IGF2BP1: variants seen among roughly 807,000 people sequenced by gnomAD.
The protein encoded by IGF2BP1 is insulin like growth factor 2 mRNA binding protein 1, also known as insulin-like growth factor 2 mRNA-binding protein 1.
Under a neutral mutation model 74.9 loss-of-function variants are expected in IGF2BP1, and 11 were observed. The ratio of observed to expected loss-of-function variants is 0.15; its 90% CI spans 0.09 to 0.24. The LOEUF is 0.24. Among genes scored for constraint, IGF2BP1 ranks in the 10% least tolerant of loss-of-function variants. The pLI is 1.00. For missense variants in IGF2BP1, 440 were observed against 757.4 expected (o/e 0.58, Z 4.92); for synonymous variants, 287 against 281.8 (o/e 1.02, Z -0.18).
rs1567830101 is a variant in IGF2BP1 at position 49,049,474 on chromosome 17, G to A, written c.*30G>A. 6.3e-7 allele frequency: 1 copy of A among 1,587,300 alleles called. No homozygotes were observed. The highest frequency in any genetic ancestry group is 8.6e-7 in the Non-Finnish European group (1 of 1,156,698). The stretch of plus-strand genomic sequence containing the variant: ...CCCCTCCCTGTCCCTTCGAGTCCAG[G>A]ACAACAACGGGCAGAAATCGAGAGT... On this transcript the variant is annotated 3_prime_UTR_variant, in exon 15 of 15. Coordinates refer to ENST00000290341, the MANE Select transcript of IGF2BP1 (RefSeq NM_006546.4).
At chr17:49,009,064 G>C (rs1469658392) in intron 2 of IGF2BP1, among the ~76,000 whole-genome samples, 1 of 152,080 alleles carries the variant, frequency 6.6e-6, no homozygotes, top group Non-Finnish European at 1.5e-5. Flanking sequence ...GTCTTGCTCT[G>C]TTGCCCAGGC....
intron 2 of IGF2BP1, among the ~76,000 whole-genome samples, chr17:49,012,728 C>A (rs1232545144): frequency 6.6e-6 from 1 of 152,114 alleles, no homozygotes; most frequent in African/African-American, 2.4e-5. Flanking sequence ...ATAGTTCATA[C>A]ATGTTAGTTT....
intron 4 of IGF2BP1, among the ~76,000 whole-genome samples, chr17:49,029,350 C>T (rs969880211): frequency 2.0e-5 from 3 of 152,074 alleles, no homozygotes; most frequent in East Asian, 1.9e-4. Context: ...CGTGGTGGCT[C>T]GTGCCTGTAA....
Position 49,054,343 on chromosome 17 carries a change from A to G in IGF2BP1, c.*4899A>G, listed in dbSNP as rs2042201853. The G allele has an allele frequency of 6.5e-6, 1 of 152,676 alleles. No individual in the cohort carries two copies. Among genetic ancestry groups the G allele is most frequent in the Non-Finnish European group, 1.5e-5 (1 of 68,038 alleles). 9.5% of individuals were successfully genotyped at this position (152,676 alleles called of 1,614,324 possible). On this transcript the variant is annotated 3_prime_UTR_variant, in exon 15 of 15. Transcript: ENST00000290341. ...TGTTTTGATTAACCGCAGGTGATGG[A>G]TGCTACGAGTATAAATGGATTAACT...
chr17:49,037,102 TA>T (rs938205789), intron 5 of IGF2BP1: 58 of 336,172 alleles, frequency 1.7e-4, no homozygotes, highest in African/African-American at 1.2e-3. Context: ...GAATTTTATA[TA>T]AAAAACAATG....
At chr17:49,008,393 G>A (rs1010152618) in intron 2 of IGF2BP1, among the ~76,000 whole-genome samples, 1 of 152,090 alleles carries the variant, frequency 6.6e-6, no homozygotes. Context: ...TATCTATAGG[G>A]TTTTCTTCCT....
intron 2 of IGF2BP1, chr17:49,012,346 T>C (rs796301068): frequency 6.6e-5 from 10 of 152,334 alleles, no homozygotes; most frequent in African/African-American, 2.2e-4. Context: ...TGAGTGGGGT[T>C]AGAACTTACG....
At chr17:49,042,451 A>T in intron 9 of IGF2BP1, 74 bp downstream of exon 9, 1 of 1,542,462 alleles carries the variant, frequency 6.5e-7, no homozygotes. Context: ...GTGCAGGGTG[A>T]TGGACATGTG....
chr17:49,001,293 G>A (rs1232444205), intron 2 of IGF2BP1, among the ~76,000 whole-genome samples: 1 of 152,070 alleles, frequency 6.6e-6, no homozygotes, highest in Non-Finnish European at 1.5e-5. Context: ...AGTTAATTAT[G>A]ACTAATATAT....
chr17:49,045,093 G>A (rs2042095764), intron 12 of IGF2BP1, 28 bp downstream of exon 12: 3 of 1,590,484 alleles, frequency 1.9e-6, no homozygotes, highest in Non-Finnish European at 2.6e-6. Flanking sequence ...TTTCCAAGCT[G>A]AACATGGAGG....
At position 49,044,848 on chromosome 17, in the gene IGF2BP1, C is replaced by CT. The variant is rs2042092847; in HGVS notation, c.1321-141dup. 21 of 689,408 alleles carry CT rather than the reference C, an allele frequency of 3.0e-5. No individual in the cohort carries two copies. The South Asian group carries it at 3.4e-4, about 11-fold the overall frequency. 42.7% of individuals were successfully genotyped at this position (689,408 alleles called of 1,614,324 possible). A position where few individuals can be genotyped will look rare whatever the true frequency, so the allele number is the denominator to read the frequency against. The stretch of plus-strand genomic sequence containing the variant: ...TGGTGTGAAGGCGTAATGATGTGGG[C>CT]TTCAGGGTCTTTGTTCTTCCTCCCC... On this transcript the variant is annotated intron_variant, in intron 11 of 14. Coordinates refer to ENST00000290341, the MANE Select transcript of IGF2BP1 (RefSeq NM_006546.4).
chr17:49,019,631 A>G (rs1339571129), intron 2 of IGF2BP1, among the ~76,000 whole-genome samples: 11 of 147,922 alleles, frequency 7.4e-5, no homozygotes, highest in African/African-American at 2.9e-4. Flanking sequence ...AATCTTAGAC[A>G]TGTCATTTTA....
chr17:49,039,875 T>C, intron 6 of IGF2BP1, 82 bp from the exon 7 acceptor site: 1 of 1,472,060 alleles, frequency 6.8e-7, no homozygotes. Flanking sequence ...TGCCTTTGAC[T>C]GAGGAGGGGT....
intron 7 of IGF2BP1, 58 bp from the exon 8 acceptor site, chr17:49,041,319 TC>T: frequency 6.2e-7 from 1 of 1,602,254 alleles, no homozygotes. Context: ...GATTGAGTCT[TC>T]ATGAAGCCCA....
intron 1 of IGF2BP1, 137 bp from the exon 2 acceptor site, chr17:48,998,972 G>A (rs2041447105): frequency 2.2e-5 from 14 of 628,318 alleles, no homozygotes; most frequent in Non-Finnish European, 4.0e-5. Context: ...TCTGGATGCG[G>A]AAGCCACTGC....
At chr17:48,997,014 G>A (rs573257829), upstream of IGF2BP1, among the ~76,000 whole-genome samples, 6 of 152,282 alleles carry the variant, frequency 3.9e-5, no homozygotes, top group South Asian at 8.3e-4. The surrounding 1 kb of genome is among the most constrained non-coding windows in gnomAD (Gnocchi z 4.8). Flanking sequence ...GCAGTTAACC[G>A]GGGAGGGGTG....
chr17:48,998,218 G>C (rs903821067), intron 1 of IGF2BP1, among the ~76,000 whole-genome samples: 2 of 152,160 alleles, frequency 1.3e-5, no homozygotes, highest in African/African-American at 4.8e-5. Flanking sequence ...GCAGTAGTGG[G>C]GGGTTGAATT....
At chr17:49,042,892 C>A (rs565597947) in intron 9 of IGF2BP1, among the ~76,000 whole-genome samples, 1 of 152,020 alleles carries the variant, frequency 6.6e-6, no homozygotes, top group Non-Finnish European at 1.5e-5. Context: ...CTGTGTCACC[C>A]AGGTTGGTCT....
At position 49,038,874 on chromosome 17, in the gene IGF2BP1, A is replaced by ATC. The variant is rs1491495832; in HGVS notation, c.683+426_683+427insCT. Among the ~76,000 whole-genome samples, 266 of 75,240 alleles carry ATC rather than the reference A, an allele frequency of 3.5e-3. 16 individuals are homozygous for ATC. The highest frequency in any genetic ancestry group is 6.9e-3 in the Admixed American group (51 of 7,376). 49.4% of individuals were successfully genotyped at this position (75,240 alleles called of 152,430 possible). On this transcript the variant is annotated intron_variant, in intron 6 of 14. Coordinates refer to ENST00000290341, the MANE Select transcript of IGF2BP1 (RefSeq NM_006546.4). ...CTGCCACTGCCACCTTCTTTCTTTAATATTTTTTTTTTTTTTTTTTTGAGA... is the reference window on the plus strand; with the variant it reads ...CTGCCACTGCCACCTTCTTTCTTTAATCTATTTTTTTTTTTTTTTTTTTGAGA...
Sources: gnomAD v4.1 joint callset for allele counts (sites outside exome capture counted in the v4.1 genomes callset) on GRCh38, gnomAD v4.1.1 for gene constraint, Gnocchi (gnomAD v3.1) non-coding constraint, MANE v1.5 for transcripts, NCBI Gene and HGNC (gene_info 2026-07-23, HGNC 2026-07-21) for gene names.